The following SORCS1 variants were observed in gnomAD, a reference collection of about 807,000 sequenced individuals.
The protein encoded by SORCS1 is VPS10 domain-containing receptor SorCS1.
In SORCS1, 60 loss-of-function variants were observed where a neutral mutation model predicts 146.1. That is an observed-to-expected ratio of 0.41 (90% confidence interval 0.33 to 0.51). SORCS1 has a LOEUF of 0.51. SORCS1 is among the 20% of genes least tolerant of loss of function. The pLI is 0.21. For missense variants in SORCS1, 1,352 were observed against 1,487.6 expected (o/e 0.91, Z 1.50); for synonymous variants, 637 against 584.0 (o/e 1.09, Z -1.31).
At chr10:106,813,322 C>T (rs566388838) in intron 3 of SORCS1, among the ~76,000 whole-genome samples, 11 of 151,682 alleles carry the variant, frequency 7.3e-5, no homozygotes, top group South Asian at 4.2e-4. Context: ...TTAGTAGAGA[C>T]GGGGTTTCAC....
chr10:106,730,095 T>C lies in SORCS1; in HGVS notation c.979A>G (p.Lys327Glu). 6.2e-7 allele frequency: 1 copy of C among 1,614,172 alleles called. No individual in the cohort carries two copies. ...TCAAGATGCACAAGGTCTGGTTCTT[T>C]ATTTGACCCCATCACAGACCTAAAA... ...RFYWSVMGSN[K>E]EPDLVHLEAR... is the part of the protein sequence containing the mutation. The change falls in exon 6 of 26, where the codon AAA (lysine) becomes GAA (glutamate). Residue 327 changes from lysine (K) to glutamate (E), a missense_variant. Lys to Glu is a moderately conservative substitution (Grantham distance 56). Around this residue, in one of 3 missense-constraint regions of SORCS1, gnomAD observed 490 missense variants for 489.1 expected, o/e 1.00. Coordinates refer to ENST00000263054, the MANE Select transcript of SORCS1 (RefSeq NM_052918.5).
the SORCS1 span, among the ~76,000 whole-genome samples, chr10:107,170,211 T>A: frequency 6.6e-6 from 1 of 152,162 alleles, no homozygotes; most frequent in Admixed American, 6.6e-5. Context: ...AGCCTGTAAG[T>A]CTAATATAAA....
chr10:106,956,363 C>T (rs372433672), intron 2 of SORCS1, 150 bp downstream of exon 2: 28 of 659,000 alleles, frequency 4.2e-5, no homozygotes, highest in African/African-American at 2.4e-4. Flanking sequence ...TAAAGCCCAG[C>T]GCATCACTAA....
rs112428192 is a variant in SORCS1 at position 106,710,622 on chromosome 10, T to G, written c.1025-1281A>C. ...TACATTTTATCAGGGAGGCTATTCC[T>G]GTTTTTTGAGCACACTATCCTGGCC... On this transcript the variant is annotated intron_variant, in intron 6 of 25. Coordinates refer to ENST00000263054, the MANE Select transcript of SORCS1 (RefSeq NM_052918.5). 6.3e-3 allele frequency among the ~76,000 whole-genome samples: 952 copies of G among 152,270 alleles called. 4 individuals are homozygous for G. The highest frequency in any genetic ancestry group is 0.011 in the Non-Finnish European group (779 of 68,026).
At chr10:106,759,263 G>A (rs1858895515) in intron 5 of SORCS1, among the ~76,000 whole-genome samples, 1 of 152,170 alleles carries the variant, frequency 6.6e-6, no homozygotes, top group African/African-American at 2.4e-5. Flanking sequence ...GGAATCAAGA[G>A]GAGATACTTT....
intron 2 of SORCS1, among the ~76,000 whole-genome samples, chr10:106,863,610 TC>T (rs1405155189): frequency 7.2e-6 from 1 of 138,114 alleles, no homozygotes; most frequent in Non-Finnish European, 1.6e-5. Flanking sequence ...TTTGCCAAGA[TC>T]CCCTTCAGTC....
At position 106,961,461 on chromosome 10, in the gene SORCS1, A is replaced by G. The variant is rs1020360526; in HGVS notation, c.559-4881T>C. 9.2e-5 allele frequency among the ~76,000 whole-genome samples: 14 copies of G among 152,344 alleles called. No homozygotes were observed. In the East Asian group the frequency reaches 9.6e-4, roughly 10 times the overall value. On this transcript the variant is annotated intron_variant, in intron 1 of 25. Transcript: ENST00000263054. Reference sequence around the variant, plus strand: ...GATGGTAGAGAACCAAAATTTTTCTATGCTTTTCTAAACAGAAGCACAGGA... The same window carrying G: ...GATGGTAGAGAACCAAAATTTTTCTGTGCTTTTCTAAACAGAAGCACAGGA...
At chr10:106,952,791 C>T (rs563173617) in intron 2 of SORCS1, among the ~76,000 whole-genome samples, 183 of 151,054 alleles carry the variant, frequency 1.2e-3, no homozygotes, top group Non-Finnish European at 2.2e-3. Flanking sequence ...GTTTGAGTAA[C>T]AAAGTGGGAC....
chr10:107,014,884 A>G (rs1957833961), intron 1 of SORCS1, among the ~76,000 whole-genome samples: 2 of 152,210 alleles, frequency 1.3e-5, no homozygotes, highest in African/African-American at 4.8e-5. Context: ...CCCTCTAAGG[A>G]TGCTGATATG....
intron 3 of SORCS1, among the ~76,000 whole-genome samples, chr10:106,816,384 T>C (rs1947741917): frequency 6.6e-6 from 1 of 152,146 alleles, no homozygotes; most frequent in African/African-American, 2.4e-5. Flanking sequence ...AGCCTAGCAG[T>C]GTGCTGGTAA....
intron 1 of SORCS1, among the ~76,000 whole-genome samples, chr10:107,021,345 T>C (rs892117050): frequency 1.1e-4 from 17 of 151,374 alleles, no homozygotes; most frequent in Non-Finnish European, 1.9e-4. Flanking sequence ...ACCCCGTCTC[T>C]ACTAAAAACG....
chr10:106,744,721 G>C (rs1857595421), intron 5 of SORCS1, among the ~76,000 whole-genome samples: 2 of 152,084 alleles, frequency 1.3e-5, no homozygotes, highest in African/African-American at 4.8e-5. Flanking sequence ...TTTGTTTTTG[G>C]GAGCAGCCAG....
chr10:107,070,467 T>A (rs1252713853), intron 1 of SORCS1, among the ~76,000 whole-genome samples: 1 of 152,106 alleles, frequency 6.6e-6, no homozygotes, highest in Non-Finnish European at 1.5e-5. Flanking sequence ...TAATGAAAAA[T>A]AACAGAACAA....
intron 2 of SORCS1, among the ~76,000 whole-genome samples, chr10:106,954,793 A>G (rs943542179): frequency 1.3e-5 from 2 of 151,952 alleles, no homozygotes; most frequent in Non-Finnish European, 2.9e-5. Flanking sequence ...TGAGCCTATA[A>G]AAACCCTGCC....
At chr10:107,141,141 G>A (rs688353) in intron 1 of SORCS1, among the ~76,000 whole-genome samples, 49,617 of 151,904 alleles carry the variant, frequency 0.33, 10,247 homozygotes, top group African/African-American at 0.59. Flanking sequence ...ACTACACTCA[G>A]TTACCAAAAT....
At chr10:107,055,604 T>C (rs1960546453) in intron 1 of SORCS1, among the ~76,000 whole-genome samples, 1 of 152,174 alleles carries the variant, frequency 6.6e-6, no homozygotes, top group Non-Finnish European at 1.5e-5. Context: ...ATAGAACTCA[T>C]CCATTAATAC....
intron 1 of SORCS1, among the ~76,000 whole-genome samples, chr10:107,114,225 A>C (rs1196371177): frequency 1.3e-5 from 2 of 152,194 alleles, no homozygotes; most frequent in African/African-American, 4.8e-5. Context: ...ATCCTTCTCA[A>C]AGTCTTTCAA....
chr10:106,715,096 C>T lies in SORCS1; in HGVS notation c.1025-5755G>A, dbSNP rs549491336. 3.9e-5 allele frequency among the ~76,000 whole-genome samples: 6 copies of T among 152,274 alleles called. No individual in the cohort carries two copies. The East Asian group carries it at 1.2e-3, about 29-fold the overall frequency. On this transcript the variant is annotated intron_variant, in intron 6 of 25. Transcript: ENST00000263054. ...ATGGAAAACAGAAAGAAACTGGCTGCACTTCATAATAAGGGACCAAGCACT... is the reference window on the plus strand; with the variant it reads ...ATGGAAAACAGAAAGAAACTGGCTGTACTTCATAATAAGGGACCAAGCACT...
At position 106,960,869 on chromosome 10, in the gene SORCS1, T is replaced by C. The variant is rs2139056632; in HGVS notation, c.559-4289A>G. 6.6e-6 allele frequency among the ~76,000 whole-genome samples: 1 copy of C among 152,274 alleles called. No homozygotes were observed. Among genetic ancestry groups the C allele is most frequent in the South Asian group, 2.1e-4 (1 of 4,830 alleles). On this transcript the variant is annotated intron_variant, in intron 1 of 25. Transcript: ENST00000263054. This position sits in a 1 kb window ranked among gnomAD's most constrained non-coding sequence, Gnocchi z 4.4. ...GCAAGGGCTTCTTCTCCCACAGCACTGAGCCACATTTTCATAACCCGGGCT... is the reference window on the plus strand; with the variant it reads ...GCAAGGGCTTCTTCTCCCACAGCACCGAGCCACATTTTCATAACCCGGGCT...
Sources: allele counts gnomAD v4.1 joint callset (sites outside exome capture counted in the v4.1 genomes callset), GRCh38; gene constraint gnomAD v4.1.1; regional missense constraint gnomAD v4.1.1; non-coding constraint Gnocchi (gnomAD v3.1); transcripts MANE v1.5; gene names NCBI Gene and HGNC (gene_info 2026-07-23, HGNC 2026-07-21).